Variants in ATXN1 observed in about 807,000 individuals in gnomAD.
ATXN1 encodes ataxin-1.
Under a neutral mutation model 56.4 loss-of-function variants are expected in ATXN1, and 8 were observed. The ratio of observed to expected loss-of-function variants is 0.14; its 90% confidence interval spans 0.08 to 0.26. ATXN1 has a LOEUF of 0.26. Ranked by LOEUF, ATXN1 falls within the 10% of genes least tolerant of loss-of-function variation. ATXN1 has a pLI of 1.00. For synonymous variants in ATXN1, 514 were observed against 494.6 expected (o/e 1.04, Z -0.52); for missense variants, 987 against 1,106.5 (o/e 0.89, Z 1.53).
chr6:16,593,658 T>C (rs1762762553), intron 3 of ATXN1, among the ~76,000 whole-genome samples: 1 of 152,112 alleles, frequency 6.6e-6, no homozygotes, highest in African/African-American at 2.4e-5. Context: ...TAATTGTGCT[T>C]GATTTTAAAC....
rs993709948 is a variant in ATXN1 at position 16,301,942 on chromosome 6, TAAAA to T, written c.*4383_*4386del. The stretch of plus-strand genomic sequence containing the variant: ...TAAAGGGTATTGTCAATCGTTTCCT[TAAAA>T]AACAAAACAAAACAAAATCCAGAGC... On this transcript the variant is annotated 3_prime_UTR_variant, in exon 8 of 8. Transcript: ENST00000436367. 6.5e-6 allele frequency: 1 copy of T among 152,674 alleles called. No homozygotes were observed. The highest frequency in any genetic ancestry group is 2.1e-4 in the South Asian group (1 of 4,826). 9.5% of individuals were successfully genotyped at this position (152,674 alleles called of 1,614,324 possible). A position where few individuals can be genotyped will look rare whatever the true frequency, so the allele number is the denominator to read the frequency against.
intron 2 of ATXN1, among the ~76,000 whole-genome samples, chr6:16,732,974 C>T (rs1440506570): frequency 6.6e-6 from 1 of 152,186 alleles, no homozygotes; most frequent in African/African-American, 2.4e-5. Flanking sequence ...GTGCAATTTG[C>T]AACCAAAACC....
Position 16,301,579 on chromosome 6 carries a change from G to T in ATXN1, c.*4750C>A, listed in dbSNP as rs1760100265. 1 of 152,158 alleles carries T rather than the reference G, an allele frequency of 6.6e-6. No homozygotes were observed. Among genetic ancestry groups the T allele is most frequent in the Non-Finnish European group, 1.5e-5 (1 of 67,928 alleles). The allele number at this position is 152,158 out of a possible 1,614,324, so 9.4% of individuals were successfully genotyped here. A position where few individuals can be genotyped will look rare whatever the true frequency, so the allele number is the denominator to read the frequency against. Reference sequence around the variant, plus strand: ...GTTAAAAACAAATGTGGAAGCAAAGGCCTCCACGCCACTTAAAAAAAAAAA... The same window carrying T: ...GTTAAAAACAAATGTGGAAGCAAAGTCCTCCACGCCACTTAAAAAAAAAAA... On this transcript the variant is annotated 3_prime_UTR_variant, in exon 8 of 8. Coordinates refer to ENST00000436367, the MANE Select transcript of ATXN1 (RefSeq NM_001128164.2).
intron 2 of ATXN1, among the ~76,000 whole-genome samples, chr6:16,672,356 C>T (rs1248471746): frequency 6.6e-6 from 1 of 152,132 alleles, no homozygotes; most frequent in Non-Finnish European, 1.5e-5. Context: ...TTTAAAAACC[C>T]ATTTTTATAA....
At chr6:16,591,096 C>T (rs1490774262) in intron 3 of ATXN1, among the ~76,000 whole-genome samples, 1 of 152,028 alleles carries the variant, frequency 6.6e-6, no homozygotes, top group Admixed American at 6.5e-5. Context: ...GCTGTGATTA[C>T]AGGCGTGAGC....
rs1554137844 is a variant in ATXN1 at position 16,326,660 on chromosome 6, G to A, written c.1651C>T (p.Gln551Ter). The change falls in exon 7 of 8, where the codon CAG (glutamine) becomes TAG (stop). Residue 551 changes from glutamine to a stop codon, truncating the protein, a stop_gained. Coordinates refer to ENST00000436367, the MANE Select transcript of ATXN1 (RefSeq NM_001128164.2). LOFTEE classifies it high-confidence loss of function. This position sits in a 1 kb window ranked among gnomAD's most constrained non-coding sequence, Gnocchi z 6.6. ...QAAYPAMVQA[Q>*]IHLPVVQSVA... ...GACTGCACCACAGGCAGGTGGATCT[G>A]GGCCTGCACCATGGCTGGGTAGGCG... The A allele has an allele frequency of 6.2e-7, 1 of 1,613,524 alleles. No individual in the cohort carries two copies. Among genetic ancestry groups the A allele is most frequent in the Non-Finnish European group, 8.5e-7 (1 of 1,180,028 alleles).
intron 3 of ATXN1, among the ~76,000 whole-genome samples, chr6:16,596,594 TAG>T (rs1762820108): frequency 6.6e-6 from 1 of 152,212 alleles, no homozygotes; most frequent in Admixed American, 6.5e-5. Context: ...TCCAGTGACT[TAG>T]ATTATCCTTT....
rs1395912798 is a variant in ATXN1 at position 16,752,334 on chromosome 6, G to C, written c.-615+899C>G. Reference sequence around the variant, plus strand: ...GGCCGACCCAGGGGTTCCCAAACCTGTGGAGCATCAGTGCCTAGACAGATC... The same window carrying C: ...GGCCGACCCAGGGGTTCCCAAACCTCTGGAGCATCAGTGCCTAGACAGATC... On this transcript the variant is annotated intron_variant, in intron 2 of 7. Coordinates refer to ENST00000436367, the MANE Select transcript of ATXN1 (RefSeq NM_001128164.2). 2.0e-5 allele frequency among the ~76,000 whole-genome samples: 3 copies of C among 152,166 alleles called. No homozygotes were observed. In the South Asian group the frequency reaches 6.2e-4, roughly 32 times the overall value.
intron 6 of ATXN1, among the ~76,000 whole-genome samples, chr6:16,406,006 A>G (rs1758678677): frequency 6.6e-6 from 1 of 152,194 alleles, no homozygotes; most frequent in Non-Finnish European, 1.5e-5. Context: ...CTTTTACTGC[A>G]CAATGTTCAC....
intron 4 of ATXN1, among the ~76,000 whole-genome samples, chr6:16,562,453 AAGGAGAGGAGAGGAG>A (rs60418833): frequency 1.7e-4 from 19 of 114,640 alleles, no homozygotes; most frequent in South Asian, 3.0e-4. Flanking sequence ...AAAGAAAGAA[AAGGAGAGGAGAGGAG>A]AGGAGAGGAG....
At chr6:16,403,129 A>G (rs539878231) in intron 6 of ATXN1, among the ~76,000 whole-genome samples, 1 of 152,318 alleles carries the variant, frequency 6.6e-6, no homozygotes, top group South Asian at 2.1e-4. Flanking sequence ...ATGCACACAC[A>G]TGTACACACA....
At position 16,467,540 on chromosome 6, in the gene ATXN1, A is replaced by G. The variant is rs552099141; in HGVS notation, c.-161+18432T>C. On this transcript the variant is annotated intron_variant, in intron 6 of 7. Coordinates refer to ENST00000436367, the MANE Select transcript of ATXN1 (RefSeq NM_001128164.2). ...AGCATTATAGAAGAACACGCATCCCAGTGACAGTATTTTTAAAGACTCTAT... is the reference window on the plus strand; with the variant it reads ...AGCATTATAGAAGAACACGCATCCCGGTGACAGTATTTTTAAAGACTCTAT... Among the ~76,000 whole-genome samples the G allele has an allele frequency of 2.6e-5, 4 of 152,348 alleles. No individual in the cohort carries two copies. The South Asian group carries it at 8.3e-4, about 32-fold the overall frequency.
At chr6:16,452,865 T>C (rs969398074) in intron 6 of ATXN1, among the ~76,000 whole-genome samples, 3 of 152,240 alleles carry the variant, frequency 2.0e-5, no homozygotes, top group Non-Finnish European at 4.4e-5. Context: ...ATTTAAAAGT[T>C]CAAGATTTAG....
At chr6:16,420,291 G>A (rs2237211) in intron 6 of ATXN1, among the ~76,000 whole-genome samples, 21,843 of 152,182 alleles carry the variant, frequency 0.14, 1,796 homozygotes, top group East Asian at 0.33. Flanking sequence ...GGGACCTTCA[G>A]ACAAATTAGC....
chr6:16,725,269 C>T (rs540524310), intron 2 of ATXN1, among the ~76,000 whole-genome samples: 53 of 152,186 alleles, frequency 3.5e-4, no homozygotes, highest in Non-Finnish European at 6.2e-4. Context: ...ATTTAGGTTT[C>T]GAGAACTGCT....
chr6:16,682,911 G>A (rs1406269102), intron 2 of ATXN1, among the ~76,000 whole-genome samples: 1 of 152,100 alleles, frequency 6.6e-6, no homozygotes, highest in African/African-American at 2.4e-5. Flanking sequence ...GTATTTATTT[G>A]TTGAGTTATA....
At position 16,306,791 on chromosome 6, in the gene ATXN1, C is replaced by T. The variant is rs201506095; in HGVS notation, c.1986G>A (p.Pro662=). 4.8e-5 allele frequency: 78 copies of T among 1,613,994 alleles called. No individual in the cohort carries two copies. The East Asian group carries it at 1.5e-3, about 30-fold the overall frequency. ...VFGQGWSSCC[P]ERTSQLFDLP... ...AATCAAAGAGCTGGCTGGTTCTCTC[C>T]GGACAGCAGGATGACCAGCCCTGTC... The change falls in exon 8 of 8, where the codon CCG becomes CCA. Residue 662 remains proline (P), a synonymous_variant. Coordinates refer to ENST00000436367, the MANE Select transcript of ATXN1 (RefSeq NM_001128164.2). The surrounding 1 kb of genome is among the most constrained non-coding windows in gnomAD (Gnocchi z 5.2).
At chr6:16,497,567 A>G (rs910316091) in intron 5 of ATXN1, among the ~76,000 whole-genome samples, 2 of 152,154 alleles carry the variant, frequency 1.3e-5, no homozygotes, top group Non-Finnish European at 2.9e-5. Flanking sequence ...TCACTCTCCT[A>G]AGTTTGCAGG....
intron 2 of ATXN1, among the ~76,000 whole-genome samples, chr6:16,705,824 T>G (rs1261296757): frequency 6.6e-6 from 1 of 152,110 alleles, no homozygotes; most frequent in East Asian, 1.9e-4. Context: ...TCCTCTCTGG[T>G]CTCCTTGCCC....
Sources: gnomAD v4.1 joint callset for allele counts (sites outside exome capture counted in the v4.1 genomes callset) on GRCh38, gnomAD v4.1.1 for gene constraint, Gnocchi (gnomAD v3.1) non-coding constraint, MANE v1.5 for transcripts, NCBI Gene and HGNC (gene_info 2026-07-23, HGNC 2026-07-21) for gene names.